Variants in CYSTM1 observed in about 807,000 individuals in gnomAD.
CYSTM1 encodes the protein cysteine rich transmembrane module containing 1, also known as cysteine-rich transmembrane module-containing protein 1.
A neutral mutation model predicts 13.1 loss-of-function variants in CYSTM1; 4 were observed. That is an observed-to-expected ratio of 0.31 (90% CI 0.15 to 0.70). CYSTM1 has a LOEUF of 0.70. Ranked by LOEUF, CYSTM1 falls within the 30% of genes least tolerant of loss-of-function variation. CYSTM1 has a pLI of 0.72. For missense variants in CYSTM1, 96 were observed against 121.6 expected (o/e 0.79, Z 0.99); for synonymous variants, 36 against 42.7 (o/e 0.84, Z 0.62).
chr5:140,226,586 T>TTTTATATATATATATATATA (rs754744617), intron 2 of CYSTM1, among the ~76,000 whole-genome samples: 1 of 75,312 alleles, frequency 1.3e-5, no homozygotes, highest in Non-Finnish European at 2.5e-5. Flanking sequence ...ATACTAAATA[T>TTTTATATATATATATATATA]TATATATATA....
intron 2 of CYSTM1, among the ~76,000 whole-genome samples, chr5:140,224,768 G>T (rs189598949): frequency 6.6e-6 from 1 of 152,248 alleles, no homozygotes; most frequent in Non-Finnish European, 1.5e-5. Flanking sequence ...GGATCCTCCC[G>T]CCTCAGCCTC....
intron 2 of CYSTM1, among the ~76,000 whole-genome samples, chr5:140,205,582 T>C (rs1426494360): frequency 2.6e-5 from 4 of 152,112 alleles, no homozygotes; most frequent in Non-Finnish European, 5.9e-5. Flanking sequence ...GCTTAGAATC[T>C]AGGTAGAGTT....
intron 2 of CYSTM1, among the ~76,000 whole-genome samples, chr5:140,217,206 A>G (rs374277782): frequency 1.5e-3 from 233 of 152,302 alleles, no homozygotes; most frequent in African/African-American, 5.5e-3. Context: ...AGACAGAGAC[A>G]GCGCAAGATT....
At chr5:140,193,019 A>G (rs752516661) in intron 1 of CYSTM1, among the ~76,000 whole-genome samples, 1 of 152,196 alleles carries the variant, frequency 6.6e-6, no homozygotes, top group Non-Finnish European at 1.5e-5. Context: ...ATTTATAACT[A>G]TTCTGTCCTT....
At chr5:140,188,614 C>G (rs1055122588) in intron 1 of CYSTM1, among the ~76,000 whole-genome samples, 1 of 151,876 alleles carries the variant, frequency 6.6e-6, no homozygotes, top group African/African-American at 2.4e-5. Context: ...CCCGTCTCTA[C>G]TAAAAATACA....
intron 1 of CYSTM1, among the ~76,000 whole-genome samples, chr5:140,179,432 G>T (rs968027821): frequency 6.6e-6 from 1 of 151,338 alleles, no homozygotes; most frequent in Non-Finnish European, 1.5e-5. Flanking sequence ...GGTGGCATAC[G>T]CCTGTAATCC....
intron 2 of CYSTM1, among the ~76,000 whole-genome samples, chr5:140,220,832 G>A (rs974516231): frequency 6.6e-6 from 1 of 152,076 alleles, no homozygotes; most frequent in South Asian, 2.1e-4. Flanking sequence ...ACCATGAGGT[G>A]TCTCTGGCTG....
intron 2 of CYSTM1, among the ~76,000 whole-genome samples, chr5:140,196,880 G>A (rs889435493): frequency 2.0e-5 from 3 of 152,210 alleles, no homozygotes; most frequent in East Asian, 1.9e-4. Context: ...GGGTGGGACT[G>A]GTTATTCATT....
chr5:140,223,624 G>C (rs1211147986), intron 2 of CYSTM1, among the ~76,000 whole-genome samples: 1 of 152,246 alleles, frequency 6.6e-6, no homozygotes, highest in African/African-American at 2.4e-5. Context: ...TTGCCAGACA[G>C]TAGATCAGAT....
intron 1 of CYSTM1, among the ~76,000 whole-genome samples, chr5:140,184,517 T>G (rs1581057960): frequency 6.6e-6 from 1 of 152,278 alleles, no homozygotes; most frequent in East Asian, 1.9e-4. Flanking sequence ...AAAATATGTC[T>G]TTATTGAAGA....
intron 2 of CYSTM1, among the ~76,000 whole-genome samples, chr5:140,231,267 G>A (rs1440140140): frequency 5.9e-5 from 9 of 152,054 alleles, no homozygotes; most frequent in African/African-American, 1.4e-4. Flanking sequence ...TTATTACTTG[G>A]TGGAAATAAT....
intron 2 of CYSTM1, among the ~76,000 whole-genome samples, chr5:140,225,854 G>T (rs1211224668): frequency 6.6e-6 from 1 of 152,164 alleles, no homozygotes; most frequent in Admixed American, 6.5e-5. Flanking sequence ...GAGTGGCTTT[G>T]GGCATATCCA....
At chr5:140,210,826 A>T (rs994309416) in intron 2 of CYSTM1, among the ~76,000 whole-genome samples, 4 of 152,142 alleles carry the variant, frequency 2.6e-5, no homozygotes, top group African/African-American at 9.7e-5. Context: ...TTAAAATTTT[A>T]AGTGAGCCAT....
rs80346367 is a variant in CYSTM1 at position 140,216,479 on chromosome 5, G to A, written c.187+21827G>A. 1.6e-3 allele frequency among the ~76,000 whole-genome samples: 241 copies of A among 152,254 alleles called. 7 individuals carry two copies. The East Asian group carries it at 0.039, about 25-fold the overall frequency. On this transcript the variant is annotated intron_variant, in intron 2 of 2. Transcript: ENST00000261811. ...AACTGGCAGTTTGGCAGGGGATGGGGGTCCGTGGAGACAGACCCATTGAGC... is the reference window on the plus strand; with the variant it reads ...AACTGGCAGTTTGGCAGGGGATGGGAGTCCGTGGAGACAGACCCATTGAGC...
chr5:140,224,381 C>T (rs1408216185), intron 2 of CYSTM1, among the ~76,000 whole-genome samples: 4 of 152,032 alleles, frequency 2.6e-5, no homozygotes, highest in African/African-American at 9.7e-5. Flanking sequence ...TCAGGTGATC[C>T]GCCCGCCTCG....
intron 2 of CYSTM1, among the ~76,000 whole-genome samples, chr5:140,195,724 C>T (rs1345097798): frequency 6.9e-6 from 1 of 145,780 alleles, no homozygotes; most frequent in African/African-American, 2.5e-5. Context: ...AGCCACTGTG[C>T]CTGGCCAAGA....
intron 2 of CYSTM1, among the ~76,000 whole-genome samples, chr5:140,211,053 C>T (rs945916763): frequency 6.6e-6 from 1 of 152,132 alleles, no homozygotes; most frequent in Non-Finnish European, 1.5e-5. Context: ...AGATTAAAAC[C>T]ACCAGAACCA....
rs74454288 is a variant in CYSTM1, at chr5:140,225,118, G to A, written c.188-18187G>A. Among the ~76,000 whole-genome samples the A allele has an allele frequency of 2.3e-4, 35 of 152,308 alleles. No homozygotes were observed. In the East Asian group the frequency reaches 6.2e-3, roughly 27 times the overall value. The stretch of plus-strand genomic sequence containing the variant: ...GATTGCTTGAGCCCAGAAGTTTGAC[G>A]CTGAGGTGAGTTATGATCATGCCAC... On this transcript the variant is annotated intron_variant, in intron 2 of 2. Transcript: ENST00000261811.
intron 2 of CYSTM1, among the ~76,000 whole-genome samples, chr5:140,214,396 G>A (rs1417936814): frequency 6.6e-6 from 1 of 152,230 alleles, no homozygotes; most frequent in African/African-American, 2.4e-5. Flanking sequence ...AGGTAATGGA[G>A]TGAGGAAAGA....
Sources: allele counts gnomAD v4.1 joint callset (sites outside exome capture counted in the v4.1 genomes callset), GRCh38; gene constraint gnomAD v4.1.1; transcripts MANE v1.5; gene names NCBI Gene and HGNC (gene_info 2026-07-23, HGNC 2026-07-21).